Variants in USP6 observed in about 807,000 individuals in gnomAD.
The protein encoded by USP6 is ubiquitin specific peptidase 6, also known as ubiquitin carboxyl-terminal hydrolase 6.
In USP6, 128 loss-of-function variants were observed where a neutral mutation model predicts 175.7. That is an observed-to-expected ratio of 0.73 (90% CI 0.63 to 0.84). USP6 has a LOEUF of 0.84. Among genes scored for constraint, USP6 ranks in the 40% least tolerant of loss-of-function variants. The probability of loss-of-function intolerance (pLI) is 0.00; values close to 1 mark genes in which losing one functional copy is unlikely to be tolerated. For missense variants in USP6, 1,498 were observed against 1,760.3 expected, an observed-to-expected ratio of 0.85 and a Z score of 2.67; for synonymous variants, 562 against 630.6, an observed-to-expected ratio of 0.89 and a Z score of 1.63.
intron 31 of USP6, among the ~76,000 whole-genome samples, chr17:5,157,057 TCTTTA>T (rs1567806401): frequency 6.6e-6 from 1 of 152,038 alleles, no homozygotes; most frequent in Admixed American, 6.6e-5. Context: ...TTTAAATAAA[TCTTTA>T]CTTAAATAAG....
Position 5,170,554 on chromosome 17 carries a change from G to A in USP6, c.3593G>A (p.Arg1198Gln), listed in dbSNP as rs749335334. Residue 1198 changes from arginine to glutamine, a missense_variant, in exon 36 of 38, where the codon CGG becomes CAG. By Grantham distance (43) the Arg-to-Gln change is conservative (BLOSUM62 1). Transcript: ENST00000574788. ...SKNSSPNSSP[R>Q]TLGRSKGRLR... Reference sequence around the variant, plus strand: ...AACAGCAGCCCTAATAGCAGCCCACGGACTTTGGGGAGGAGCAAAGGGAGG... The same window carrying A: ...AACAGCAGCCCTAATAGCAGCCCACAGACTTTGGGGAGGAGCAAAGGGAGG... 41 of 1,611,860 alleles carry A rather than the reference G, an allele frequency of 2.5e-5. No individual in the cohort carries two copies. Among genetic ancestry groups the A allele is most frequent in the South Asian group, 1.3e-4 (12 of 90,970 alleles).
chr17:5,170,365 CCT>C (rs375556220), intron 35 of USP6, 112 bp from the exon 36 acceptor site: 67 of 1,464,116 alleles, frequency 4.6e-5, no homozygotes, highest in African/African-American at 2.4e-4. Context: ...TCATGACTCC[CCT>C]GTCTTTACCT....
chr17:5,155,598 C>A lies in USP6; in HGVS notation c.2820C>A (p.Ala940=). Residue 940 remains alanine, a synonymous_variant, in exon 31 of 38, where the codon GCC becomes GCA. Transcript: ENST00000574788. ...PLPPQEASIH[A]QDRDNCMGYQ... is the part of the protein sequence containing the mutation. ...CACCTCAGGAAGCTAGTATTCATGCCCAGGATCGGTGAGTTCAGGGGATCC... is the reference window on the plus strand; with the variant it reads ...CACCTCAGGAAGCTAGTATTCATGCACAGGATCGGTGAGTTCAGGGGATCC... The A allele has an allele frequency of 6.2e-7, 1 of 1,613,912 alleles. No individual in the cohort carries two copies. The highest frequency in any genetic ancestry group is 1.1e-5 in the South Asian group (1 of 91,038).
intron 35 of USP6, among the ~76,000 whole-genome samples, chr17:5,170,055 C>T (rs1174920359): frequency 6.6e-6 from 1 of 152,122 alleles, no homozygotes; most frequent in African/African-American, 2.4e-5. Context: ...ACAGAGGTAA[C>T]AACGGACAGC....
rs573457590 is a variant in USP6, at chr17:5,161,035, T to C, written c.2829-493T>C. ...TTAAAGTATAATAAAAAAAAGAAGT[T>C]ACTCCAAAAATGGTATGTAGCTTAT... On this transcript the variant is annotated intron_variant, in intron 31 of 37. Coordinates refer to ENST00000574788, the MANE Select transcript of USP6 (RefSeq NM_001304284.2). 3.9e-5 allele frequency among the ~76,000 whole-genome samples: 6 copies of C among 152,352 alleles called. No homozygotes were observed. The South Asian group carries it at 1.2e-3, about 32-fold the overall frequency.
At chr17:5,119,770 A>G (rs2072610115) in intron 2 of USP6, among the ~76,000 whole-genome samples, 1 of 152,204 alleles carries the variant, frequency 6.6e-6, no homozygotes, top group African/African-American at 2.4e-5. Flanking sequence ...GCCCAGCACT[A>G]CAAGTGACTC....
chr17:5,152,521 A>G lies in USP6; in HGVS notation c.2644-2901A>G, dbSNP rs544376927. 6.0e-4 allele frequency among the ~76,000 whole-genome samples: 92 copies of G among 152,386 alleles called. No individual in the cohort carries two copies. In the South Asian group the frequency reaches 0.016, roughly 26 times the overall value. ...AGAGATGCACAAGAATATTCATAGC[A>G]GCATTATCTATAGTAGCCCCAAAAT... On this transcript the variant is annotated intron_variant, in intron 30 of 37. Transcript: ENST00000574788.
intron 19 of USP6, 148 bp from the exon 20 acceptor site, chr17:5,137,503 C>A: frequency 1.2e-6 from 1 of 854,040 alleles, no homozygotes; most frequent in Non-Finnish European, 1.8e-6. Flanking sequence ...AGTTGCAAGA[C>A]CTTTTCTGAC....
At chr17:5,141,729 G>T (rs2073452921) in intron 23 of USP6, among the ~76,000 whole-genome samples, 1 of 152,072 alleles carries the variant, frequency 6.6e-6, no homozygotes, top group Admixed American at 6.6e-5. Flanking sequence ...TAAAAGACAT[G>T]CTAGAAGAAT....
Position 5,174,864 on chromosome 17 carries a change from G to C in USP6, c.*1886G>C, listed in dbSNP as rs1160383891. The C allele has an allele frequency of 5.2e-6, 1 of 191,314 alleles. No homozygotes were observed. Among genetic ancestry groups the C allele is most frequent in the African/African-American group, 2.3e-5 (1 of 42,914 alleles). 11.9% of individuals were successfully genotyped at this position (191,314 alleles called of 1,614,324 possible). Reference sequence around the variant, plus strand: ...AAAGATGTTAATGTACATAAATAGAGTGTAAATAAAATAGTGTTGATGTAC... The same window carrying C: ...AAAGATGTTAATGTACATAAATAGACTGTAAATAAAATAGTGTTGATGTAC... On this transcript the variant is annotated 3_prime_UTR_variant, in exon 38 of 38. Transcript: ENST00000574788.
chr17:5,161,475 G>T (rs1489808722), intron 31 of USP6, 53 bp from the exon 32 acceptor site: 26 of 1,580,340 alleles, frequency 1.6e-5, no homozygotes, highest in Non-Finnish European at 1.9e-5. Context: ...AAAAGGAGTT[G>T]GACCTCGAAC....
In USP6 at chr17:5,133,425, ATTC is replaced by A. The variant is rs1278612692; in HGVS notation, c.277-15_277-13del. On this transcript the variant is annotated splice_polypyrimidine_tract_variant and intron_variant, in intron 13 of 37. Transcript: ENST00000574788. The stretch of plus-strand genomic sequence containing the variant: ...GTCACCCCATGGCCTGTGACACCAG[ATTC>A]TTTTCTGCCCACAGCTCATAGATCG... 3 of 1,603,964 alleles carry A rather than the reference ATTC, an allele frequency of 1.9e-6. No homozygotes were observed. Among genetic ancestry groups the A allele is most frequent in the Non-Finnish European group, 1.7e-6 (2 of 1,172,890 alleles).
intron 17 of USP6, 35 bp from the exon 18 acceptor site, chr17:5,136,605 G>A (rs761266441): frequency 2.5e-6 from 4 of 1,608,080 alleles, no homozygotes; most frequent in South Asian, 1.1e-5. Context: ...CTTGGGGGAA[G>A]GCTCTGATTT....
At chr17:5,166,676 T>C (rs985991235) in intron 33 of USP6, among the ~76,000 whole-genome samples, 6 of 152,114 alleles carry the variant, frequency 3.9e-5, no homozygotes, top group African/African-American at 1.4e-4. Flanking sequence ...ACCCTGATGC[T>C]TCACCCACCT....
intron 25 of USP6, among the ~76,000 whole-genome samples, chr17:5,143,563 C>T (rs1382414922): frequency 6.6e-6 from 1 of 151,512 alleles, no homozygotes; most frequent in Non-Finnish European, 1.5e-5. Flanking sequence ...GCAGCATGCT[C>T]GTTAAGAGTC....
intron 33 of USP6, among the ~76,000 whole-genome samples, chr17:5,164,694 C>A (rs903219880): frequency 6.6e-6 from 1 of 152,158 alleles, no homozygotes; most frequent in African/African-American, 2.4e-5. Flanking sequence ...TGATGCCTTG[C>A]TAGGGAGTGG....
In USP6 at chr17:5,170,764, A is replaced by G. The variant is rs748123477; in HGVS notation, c.3803A>G (p.Asn1268Ser). 5.0e-6 allele frequency: 8 copies of G among 1,613,950 alleles called. No individual in the cohort carries two copies. The highest frequency in any genetic ancestry group is 1.7e-5 in the Admixed American group (1 of 60,016). Residue 1268 changes from asparagine (N) to serine (S), a missense_variant, in exon 36 of 38, where the codon AAT (asparagine) becomes AGT (serine). This residue lies in a region of USP6 where 1,217 missense variants were observed against 1,500.8 expected (regional missense o/e 0.81). Transcript: ENST00000574788. ...TPQDHEVALA[N>S]GFLYEHEACG... ...CAGGACCATGAGGTAGCTTTGGCCA[A>G]TGGATTCCTTTATGAGCATGAAGCA... is the stretch of plus-strand genomic sequence containing the variant.
intron 7 of USP6, chr17:5,128,261 G>A (rs1207511973): frequency 6.6e-6 from 1 of 152,202 alleles, no homozygotes; most frequent in Admixed American, 6.5e-5. Flanking sequence ...GGCCCCTACT[G>A]TGTGCCTGGC....
intron 11 of USP6, among the ~76,000 whole-genome samples, chr17:5,131,473 T>TGAGACG (rs1191950231): frequency 6.7e-6 from 1 of 149,142 alleles, no homozygotes; most frequent in African/African-American, 2.5e-5. Flanking sequence ...AGGTGGATGC[T>TGAGACG]TGGCCAGCCT....
Sources: gnomAD v4.1 joint callset for allele counts (sites outside exome capture counted in the v4.1 genomes callset) on GRCh38, gnomAD v4.1.1 for gene constraint, gnomAD v4.1.1 regional missense constraint, MANE v1.5 for transcripts, NCBI Gene and HGNC (gene_info 2026-07-23, HGNC 2026-07-21) for gene names.